The following TRMT6 variants were observed in gnomAD, a reference collection of about 807,000 sequenced individuals.
The protein encoded by TRMT6 is tRNA (adenine(58)-N(1))-methyltransferase non-catalytic subunit TRM6.
TRMT6 carries 34 observed loss-of-function variants against 59.0 expected under a neutral mutation model. The observed-to-expected ratio is 0.58, with a 90% confidence interval of 0.44 to 0.77. TRMT6 has a LOEUF of 0.77. Ranked by LOEUF, TRMT6 falls within the 30% of genes least tolerant of loss-of-function variation. The probability of loss-of-function intolerance (pLI) is 0.00; values close to 1 mark genes in which losing one functional copy is unlikely to be tolerated. For synonymous variants in TRMT6, 217 were observed against 210.5 expected (o/e 1.03, Z -0.27); for missense variants, 575 against 604.5 (o/e 0.95, Z 0.51).
rs201523649 is a variant in TRMT6 at position 5,941,247 on chromosome 20, T to C, written c.1211A>G (p.Lys404Arg). 3 of 1,613,620 alleles carry C rather than the reference T, an allele frequency of 1.9e-6. No homozygotes were observed. The highest frequency in any genetic ancestry group is 2.5e-6 in the Non-Finnish European group (3 of 1,179,640). Residue 404 changes from lysine (K) to arginine (R), a missense_variant, in exon 9 of 11, where the codon AAA becomes AGA. By Grantham distance (26) the Lys-to-Arg change is conservative. Coordinates refer to ENST00000203001, the MANE Select transcript of TRMT6 (RefSeq NM_015939.5). ...SRPFVVYCQY[K>R]EPLLECYTKL... ...CCCATTCCATTCCAGTATTACCTCT[T>C]TGTACTGACAGTAGACCACAAACGG...
rs763712918 is a variant in TRMT6 at position 5,942,520 on chromosome 20, T to C, written c.934A>G (p.Ser312Gly). ...NEDSMAEAPE[S>G]NHPEDQETME... ...GTTTCCTGGTCTTCTGGGTGGTTGC[T>C]CTCTGGGGCCTCTGCCATGCTGTCT... The change falls in exon 7 of 11, where the codon AGC becomes GGC. Residue 312 changes from serine (S) to glycine (G), a missense_variant. By Grantham distance (56) the Ser-to-Gly change is moderately conservative. Coordinates refer to ENST00000203001, the MANE Select transcript of TRMT6 (RefSeq NM_015939.5). The C allele has an allele frequency of 6.2e-7, 1 of 1,614,104 alleles. No homozygotes were observed. Among genetic ancestry groups the C allele is most frequent in the Middle Eastern group, 1.6e-4 (1 of 6,062 alleles).
Position 5,944,919 on chromosome 20 carries a change from G to T in TRMT6, c.257-5C>A. On this transcript the variant is annotated splice_polypyrimidine_tract_variant and splice_region_variant and intron_variant, in intron 2 of 10. Transcript: ENST00000203001. ...CAGTGCCCGCTTCTTTAGTCTCTAAGGAAAGAAATTGCTCTATTGACATTT... is the reference window on the plus strand; with the variant it reads ...CAGTGCCCGCTTCTTTAGTCTCTAATGAAAGAAATTGCTCTATTGACATTT... The T allele has an allele frequency of 6.3e-7, 1 of 1,597,260 alleles. No homozygotes were observed. The highest frequency in any genetic ancestry group is 8.6e-7 in the Non-Finnish European group (1 of 1,165,910).
chr20:5,943,786 A>C (rs2088680543), intron 5 of TRMT6, 103 bp from the exon 6 acceptor site: 2 of 1,543,040 alleles, frequency 1.3e-6, no homozygotes, highest in African/African-American at 1.4e-5. Context: ...TGTGTTGATA[A>C]GATTATTGAT....
Position 5,944,150 on chromosome 20 carries a change from A to G in TRMT6, c.458+12T>C. On this transcript the variant is annotated intron_variant, in intron 4 of 10. Coordinates refer to ENST00000203001, the MANE Select transcript of TRMT6 (RefSeq NM_015939.5). ...TTAATATTGTGGGCCTTTTAAAATA[A>G]AAACTACTTACTTTTTTTTCTTCTT... is the stretch of plus-strand genomic sequence containing the variant. The G allele has an allele frequency of 6.9e-7, 1 of 1,451,318 alleles. No individual in the cohort carries two copies. The highest frequency in any genetic ancestry group is 9.3e-7 in the Non-Finnish European group (1 of 1,075,812). The allele number at this position is 1,451,318 out of a possible 1,614,324, so 89.9% of individuals were successfully genotyped here.
chr20:5,949,198 C>CAAAA (rs59540636), intron 1 of TRMT6, among the ~76,000 whole-genome samples: 2 of 107,416 alleles, frequency 1.9e-5, no homozygotes, highest in African/African-American at 3.0e-5. Context: ...ACTAAAAATA[C>CAAAA]AAAAAAAAAA....
chr20:5,942,889 A>G, intron 6 of TRMT6, 103 bp from the exon 7 acceptor site: 2 of 881,298 alleles, frequency 2.3e-6, no homozygotes, highest in Non-Finnish European at 3.6e-6. Flanking sequence ...TCTTTCTATT[A>G]GTACTTTATT....
intron 8 of TRMT6, chr20:5,941,644 G>T: frequency 1.8e-6 from 1 of 546,110 alleles, no homozygotes; most frequent in Non-Finnish European, 3.2e-6. Context: ...AAGCTGCTTT[G>T]TGGATATCTG....
chr20:5,944,016 A>G lies in TRMT6; in HGVS notation c.474T>C (p.Ile158=). 6.2e-7 allele frequency: 1 copy of G among 1,601,470 alleles called. No individual in the cohort carries two copies. The highest frequency in any genetic ancestry group is 8.5e-7 in the Non-Finnish European group (1 of 1,174,080). Residue 158 remains isoleucine (I), a synonymous_variant, in exon 5 of 11, where the codon ATT becomes ATC. Coordinates refer to ENST00000203001, the MANE Select transcript of TRMT6 (RefSeq NM_015939.5). ...TACGGGTGGATGGCTTCACAACAGT[A>G]ATGATGGCTTCATATCTGGGGGAAG... The part of the protein sequence containing the change: ...KKKKKKYEAI[I]TVVKPSTRIL...
At chr20:5,943,829 T>C in intron 5 of TRMT6, 119 bp downstream of exon 5, 1 of 1,516,008 alleles carries the variant, frequency 6.6e-7, no homozygotes, top group Non-Finnish European at 8.8e-7. Flanking sequence ...GGACTTACAA[T>C]TTATGAGGTA....
In TRMT6 at chr20:5,950,415, C is replaced by G. The variant is rs779423060; in HGVS notation, c.-10G>C. On this transcript the variant is annotated 5_prime_UTR_variant, in exon 1 of 11. Coordinates refer to ENST00000203001, the MANE Select transcript of TRMT6 (RefSeq NM_015939.5). ...CCCCTGAGCCCTCCATGACGCTCAGCCGGTCGCCGTGCTCCACGGCGTCCC... is the reference window on the plus strand; with the variant it reads ...CCCCTGAGCCCTCCATGACGCTCAGGCGGTCGCCGTGCTCCACGGCGTCCC... The G allele has an allele frequency of 1.3e-6, 2 of 1,573,744 alleles. No homozygotes were observed. Among genetic ancestry groups the G allele is most frequent in the Non-Finnish European group, 1.7e-6 (2 of 1,163,524 alleles).
rs767096843 is a variant in TRMT6, at chr20:5,938,455, A to G, written c.*80T>C. 6 of 1,395,838 alleles carry G rather than the reference A, an allele frequency of 4.3e-6. No individual in the cohort carries two copies. Among genetic ancestry groups the G allele is most frequent in the Non-Finnish European group, 4.9e-6 (5 of 1,018,160 alleles). The allele number at this position is 1,395,838 out of a possible 1,614,324, so 86.5% of individuals were successfully genotyped here. A position where few individuals can be genotyped will look rare whatever the true frequency, so the allele number is the denominator to read the frequency against. On this transcript the variant is annotated 3_prime_UTR_variant, in exon 11 of 11. Transcript: ENST00000203001. ...GTTCTTATTCTTGGGATATGAAAAA[A>G]CAAGTAGTAATGGCATTTAAAGTTT...
Position 5,944,829 on chromosome 20 carries a change from C to T in TRMT6, c.342G>A (p.Leu114=). 6.2e-7 allele frequency: 1 copy of T among 1,613,766 alleles called. No individual in the cohort carries two copies. Residue 114 remains leucine (L), a synonymous_variant, in exon 3 of 11, where the codon TTG becomes TTA. Transcript: ENST00000203001. ...QKLTQDDIKA[L]KDKGIKGEEI... is the part of the protein sequence containing the mutation. Reference sequence around the variant, plus strand: ...CCTCTCCTTTAATGCCCTTGTCCTTCAAAGCTTTTATGTCATCTTGAGTAA... The same window carrying T: ...CCTCTCCTTTAATGCCCTTGTCCTTTAAAGCTTTTATGTCATCTTGAGTAA...
rs369784222 is a variant in TRMT6, at chr20:5,942,654, T to C, written c.800A>G (p.His267Arg). 19 of 1,614,062 alleles carry C rather than the reference T, an allele frequency of 1.2e-5. No individual in the cohort carries two copies. The African/African-American group carries it at 2.1e-4, about 18-fold the overall frequency. ...FPLNKVDSLL[H>R]GTFSAKMLSS... ...TAACATCTTGGCAGAAAATGTTCCA[T>C]GTAGAAGACTGTCCACTTTGTTGAG... Residue 267 changes from histidine (H) to arginine (R), a missense_variant, in exon 7 of 11, where the codon CAT becomes CGT. Physicochemically the swap from His to Arg is conservative, Grantham distance 29. Coordinates refer to ENST00000203001, the MANE Select transcript of TRMT6 (RefSeq NM_015939.5).
intron 1 of TRMT6, among the ~76,000 whole-genome samples, chr20:5,947,137 G>C (rs1713453153): frequency 6.6e-6 from 1 of 152,166 alleles, no homozygotes; most frequent in Non-Finnish European, 1.5e-5. Flanking sequence ...AGCAATCCGA[G>C]GCCCAGGGAG....
In TRMT6 at chr20:5,944,686, C is replaced by G; in HGVS notation, c.366+119G>C. 5 of 659,470 alleles carry G rather than the reference C, an allele frequency of 7.6e-6. No homozygotes were observed. In the East Asian group the frequency reaches 1.3e-4, roughly 18 times the overall value. The allele number at this position is 659,470 out of a possible 1,614,324, so 40.9% of individuals were successfully genotyped here. ...GTAACATGTACATTTCAACCTATTT[C>G]TATCAAAGCTATAACGTTATTTTTT... On this transcript the variant is annotated intron_variant, in intron 3 of 10. Coordinates refer to ENST00000203001, the MANE Select transcript of TRMT6 (RefSeq NM_015939.5).
chr20:5,943,086 T>C (rs1468619158), intron 6 of TRMT6, among the ~76,000 whole-genome samples: 1 of 152,100 alleles, frequency 6.6e-6, no homozygotes, highest in Non-Finnish European at 1.5e-5. Context: ...GGACTCTGCT[T>C]CCCCTCACTC....
intron 6 of TRMT6, among the ~76,000 whole-genome samples, chr20:5,943,151 A>G (rs1039037432): frequency 1.3e-5 from 2 of 152,132 alleles, no homozygotes; most frequent in Non-Finnish European, 2.9e-5. Context: ...TCAGAAAAAA[A>G]CCAGACAAAT....
intron 2 of TRMT6, 42 bp from the exon 3 acceptor site, chr20:5,944,956 T>C: frequency 2.0e-6 from 3 of 1,482,864 alleles, no homozygotes; most frequent in Non-Finnish European, 1.9e-6. Context: ...TGGTCTGAAA[T>C]TATTTGACAC....
At chr20:5,941,800 C>T in intron 8 of TRMT6, 151 bp downstream of exon 8, 1 of 681,978 alleles carries the variant, frequency 1.5e-6, no homozygotes, top group East Asian at 2.5e-5. Context: ...CTGCCAGCCT[C>T]AGCCTCCTTT....
Sources: allele counts gnomAD v4.1 joint callset (sites outside exome capture counted in the v4.1 genomes callset), GRCh38; gene constraint gnomAD v4.1.1; transcripts MANE v1.5; gene names NCBI Gene and HGNC (gene_info 2026-07-23, HGNC 2026-07-21).